Variants in PBX4 observed in about 807,000 individuals in gnomAD.
PBX4 encodes the protein pre-B-cell leukemia transcription factor 4.
A neutral mutation model predicts 35.1 loss-of-function variants in PBX4; 26 were observed. That is an observed-to-expected ratio of 0.74 (90% CI 0.54 to 1.03). PBX4 has a LOEUF of 1.03. Among genes scored for constraint, PBX4 ranks in the 50% least tolerant of loss-of-function variants. PBX4 has a pLI of 0.00. For synonymous variants in PBX4, 199 were observed against 204.2 expected (o/e 0.97, Z 0.22); for missense variants, 448 against 504.3 (o/e 0.89, Z 1.07).
chr19:19,572,979 T>C (rs752066936), intron 2 of PBX4, among the ~76,000 whole-genome samples: 20 of 149,280 alleles, frequency 1.3e-4, no homozygotes, highest in Non-Finnish European at 2.2e-4. Context: ...AGCAACCAGA[T>C]CCAAGGACTG....
intron 1 of PBX4, among the ~76,000 whole-genome samples, chr19:19,609,250 T>G (rs901344132): frequency 6.6e-6 from 1 of 152,070 alleles, no homozygotes; most frequent in African/African-American, 2.4e-5. Context: ...TGATTCCTTA[T>G]CTAGAAACAC....
At chr19:19,583,963 G>C (rs1234219386) in intron 2 of PBX4, among the ~76,000 whole-genome samples, 1 of 152,164 alleles carries the variant, frequency 6.6e-6, no homozygotes, top group Non-Finnish European at 1.5e-5. Flanking sequence ...CAGCTACTCG[G>C]GAGGCTGAGG....
chr19:19,607,962 T>C (rs1378091223), intron 1 of PBX4, among the ~76,000 whole-genome samples: 1 of 152,222 alleles, frequency 6.6e-6, no homozygotes, highest in Non-Finnish European at 1.5e-5. Flanking sequence ...AGAAGGATTA[T>C]TTTAGCTGAC....
chr19:19,616,714 C>T (rs991731916), intron 1 of PBX4, among the ~76,000 whole-genome samples: 1 of 152,002 alleles, frequency 6.6e-6, no homozygotes. Context: ...GACGGAATCT[C>T]GCTCTGTCGC....
At chr19:19,600,664 C>T (rs1429277222) in intron 1 of PBX4, among the ~76,000 whole-genome samples, 1 of 151,530 alleles carries the variant, frequency 6.6e-6, no homozygotes, top group African/African-American at 2.4e-5. Context: ...ACTAAAAGTA[C>T]AAAAAAGCTG....
intron 1 of PBX4, among the ~76,000 whole-genome samples, chr19:19,601,217 G>A (rs555144200): frequency 6.5e-4 from 99 of 152,292 alleles, no homozygotes; most frequent in Middle Eastern, 3.4e-3. Context: ...GAATGAGAAG[G>A]AGAAATCAAC....
chr19:19,569,533 A>G lies in PBX4; in HGVS notation c.684T>C (p.Tyr228=). ...SKQATEVLNE[Y]FYSHLNNPYP... ...AAGGGTTGTTCAGATGGGAGTAAAA[A>G]TACTCATTCAGCACTTCCGTCGCCT... is the stretch of plus-strand genomic sequence containing the variant. The change falls in exon 5 of 8, where the codon TAT becomes TAC. Residue 228 remains tyrosine, a synonymous_variant. Coordinates refer to ENST00000251203, the MANE Select transcript of PBX4 (RefSeq NM_025245.3). The G allele has an allele frequency of 6.2e-7, 1 of 1,613,858 alleles. No individual in the cohort carries two copies. The highest frequency in any genetic ancestry group is 8.5e-7 in the Non-Finnish European group (1 of 1,179,880).
intron 2 of PBX4, among the ~76,000 whole-genome samples, chr19:19,583,457 T>A (rs917479837): frequency 1.3e-5 from 2 of 149,258 alleles, no homozygotes; most frequent in African/African-American, 4.9e-5. Flanking sequence ...CAAAAAATTT[T>A]AAAAAATGAG....
chr19:19,589,342 G>A (rs1436059880), intron 2 of PBX4, among the ~76,000 whole-genome samples: 1 of 151,876 alleles, frequency 6.6e-6, no homozygotes, highest in Non-Finnish European at 1.5e-5. Context: ...GCAGGAGAAT[G>A]GCATGAACCC....
At chr19:19,588,334 C>T (rs148301125) in intron 2 of PBX4, 21 of 1,135,766 alleles carry the variant, frequency 1.8e-5, no homozygotes, top group Non-Finnish European at 2.5e-5. Context: ...AACACATTTG[C>T]CATCACATTT....
At position 19,568,406 on chromosome 19, in the gene PBX4, T is replaced by TGTATCCCTCAGGGAGCTCACACTCCATCA. The variant is rs1568378443; in HGVS notation, c.768+1042_768+1043insTGATGGAGTGTGAGCTCCCTGAGGGATAC. ...TCCCTCAGGGAGCTCACACTCCATC[T>TGTATCCCTCAGGGAGCTCACACTCCATCA]GTATCCCTCAGGGAGCTCACACTCC... On this transcript the variant is annotated intron_variant, in intron 5 of 7. Transcript: ENST00000251203. Among the ~76,000 whole-genome samples the TGTATCCCTCAGGGAGCTCACACTCCATCA allele has an allele frequency of 3.4e-4, 49 of 144,224 alleles. No individual in the cohort carries two copies. The South Asian group carries it at 9.9e-3, about 29-fold the overall frequency. 94.6% of individuals were successfully genotyped at this position (144,224 alleles called of 152,430 possible).
At chr19:19,578,602 A>AC in intron 2 of PBX4, among the ~76,000 whole-genome samples, 1 of 151,620 alleles carries the variant, frequency 6.6e-6, no homozygotes, top group African/African-American at 2.4e-5. Flanking sequence ...AAACAAAGGT[A>AC]CCCCCCTCCT....
intron 2 of PBX4, among the ~76,000 whole-genome samples, chr19:19,586,212 C>T (rs962379242): frequency 6.6e-6 from 1 of 151,966 alleles, no homozygotes. Flanking sequence ...CCAGGAGTCC[C>T]AGACCAGCCT....
At chr19:19,599,436 T>C in intron 1 of PBX4, 71 bp from the exon 2 acceptor site, 1 of 1,361,052 alleles carries the variant, frequency 7.3e-7, no homozygotes, top group Admixed American at 1.8e-5. Flanking sequence ...AGTAAAGATC[T>C]TCCATACTGA....
At chr19:19,605,529 G>A (rs2061625665) in intron 1 of PBX4, among the ~76,000 whole-genome samples, 1 of 151,710 alleles carries the variant, frequency 6.6e-6, no homozygotes, top group African/African-American at 2.4e-5. Context: ...GGGAGGCTGA[G>A]GTGGGAGGAT....
intron 1 of PBX4, among the ~76,000 whole-genome samples, chr19:19,616,400 G>A (rs2061689022): frequency 6.6e-6 from 1 of 151,330 alleles, no homozygotes; most frequent in African/African-American, 2.4e-5. Flanking sequence ...CTTGAACCCA[G>A]GCACCTCCTG....
At chr19:19,574,900 G>C (rs2061409620) in intron 2 of PBX4, among the ~76,000 whole-genome samples, 1 of 151,996 alleles carries the variant, frequency 6.6e-6, no homozygotes, top group Non-Finnish European at 1.5e-5. Flanking sequence ...GAACAGGCTG[G>C]TCTCGAACTC....
chr19:19,570,849 C>CG lies in PBX4; in HGVS notation c.194-17dup. 1 of 1,607,028 alleles carries CG rather than the reference C, an allele frequency of 6.2e-7. No individual in the cohort carries two copies. The highest frequency in any genetic ancestry group is 8.5e-7 in the Non-Finnish European group (1 of 1,175,862). On this transcript the variant is annotated splice_polypyrimidine_tract_variant and intron_variant, in intron 2 of 7. Coordinates refer to ENST00000251203, the MANE Select transcript of PBX4 (RefSeq NM_025245.3). ...ATGCTTACCACTAGATAAGAGAGAC[C>CG]GGGACAAGTCACAATTCATTTTCTG...
Position 19,585,904 on chromosome 19 carries a change from C to A in PBX4, c.193+13388G>T, listed in dbSNP as rs185093450. ...TCTCTTTTTGGACTCAGCCCACCTG[C>A]ACCCAGGTGAAATAAACAGCCATGT... On this transcript the variant is annotated intron_variant, in intron 2 of 7. Transcript: ENST00000251203. Among the ~76,000 whole-genome samples the A allele has an allele frequency of 8.3e-4, 126 of 152,318 alleles. 3 individuals are homozygous for A. Among genetic ancestry groups the A allele is most frequent in the Middle Eastern group, 3.4e-3 (1 of 294 alleles).
Sources: allele counts gnomAD v4.1 joint callset (sites outside exome capture counted in the v4.1 genomes callset), GRCh38; gene constraint gnomAD v4.1.1; transcripts MANE v1.5; gene names NCBI Gene and HGNC (gene_info 2026-07-23, HGNC 2026-07-21).